The following NDST4 variants were observed in gnomAD, a reference collection of about 807,000 sequenced individuals.
NDST4 encodes N-deacetylase and N-sulfotransferase 4.
Under a neutral mutation model 100.8 loss-of-function variants are expected in NDST4, and 63 were observed. The observed-to-expected ratio is 0.62, with a 90% CI of 0.51 to 0.77. The LOEUF (loss-of-function observed/expected upper bound fraction) is 0.77, where lower values mean the gene tolerates loss of function less well. NDST4 is among the 30% of genes least tolerant of loss of function. The pLI, the probability that NDST4 is intolerant of heterozygous loss-of-function variation, is 0.00. For synonymous variants in NDST4, 377 were observed against 361.8 expected, an observed-to-expected ratio of 1.04 and a Z score of -0.48; for missense variants, 943 against 1,018.4, an observed-to-expected ratio of 0.93 and a Z score of 1.01.
intron 4 of NDST4, among the ~76,000 whole-genome samples, chr4:114,949,708 T>C (rs995499671): frequency 1.3e-5 from 2 of 152,074 alleles, no homozygotes; most frequent in Non-Finnish European, 2.9e-5. Flanking sequence ...ATACTATAAG[T>C]TGTGCTTTCA....
chr4:114,845,712 A>G lies in NDST4; in HGVS notation c.2115+111T>C, dbSNP rs770364005. The G allele has an allele frequency of 2.1e-4, 197 of 959,370 alleles. 1 individual carries two copies. The highest frequency in any genetic ancestry group is 2.8e-4 in the Non-Finnish European group (187 of 667,486). 59.4% of individuals were successfully genotyped at this position (959,370 alleles called of 1,614,324 possible). A position where few individuals can be genotyped will look rare whatever the true frequency, so the allele number is the denominator to read the frequency against. On this transcript the variant is annotated intron_variant, in intron 10 of 13. Transcript: ENST00000264363. ...TTTTTGGTGGGGGTTGTGGGTTTAGATATTCTTACATTTGACTTTTCATAT... is the reference window on the plus strand; with the variant it reads ...TTTTTGGTGGGGGTTGTGGGTTTAGGTATTCTTACATTTGACTTTTCATAT...
chr4:114,910,947 C>T (rs1213743243), intron 6 of NDST4, among the ~76,000 whole-genome samples: 1 of 152,184 alleles, frequency 6.6e-6, no homozygotes, highest in East Asian at 1.9e-4. Flanking sequence ...TACTGCCTAG[C>T]TGAAGCATTA....
In NDST4 at chr4:115,076,833, A is replaced by C. The variant is rs752976119; in HGVS notation, c.204T>G (p.Val68=). The C allele has an allele frequency of 6.2e-7, 1 of 1,613,890 alleles. No homozygotes were observed. Among genetic ancestry groups the C allele is most frequent in the South Asian group, 1.1e-5 (1 of 91,082 alleles). Residue 68 remains valine (V), a synonymous_variant, in exon 2 of 14, where the codon GTT becomes GTG. Coordinates refer to ENST00000264363, the MANE Select transcript of NDST4 (RefSeq NM_022569.3). The part of the protein sequence containing the change: ...LPYRSMELKT[V]KPIDTSKTDP... ...CCGTTTTGGATGTGTCAATAGGTTT[A>C]ACTGTTTTCAGCTCCATTGACCTAT...
chr4:115,074,164 C>T (rs2620401), intron 2 of NDST4, among the ~76,000 whole-genome samples: 24,635 of 151,698 alleles, frequency 0.16, 2,420 homozygotes, highest in East Asian at 0.46. Flanking sequence ...ATTGCTCAAG[C>T]CTTTGTTAAA....
At chr4:114,874,037 A>G (rs985471503) in intron 6 of NDST4, among the ~76,000 whole-genome samples, 2 of 152,138 alleles carry the variant, frequency 1.3e-5, no homozygotes, top group African/African-American at 4.8e-5. Flanking sequence ...ATCACTATTC[A>G]TCTCCAGAAC....
At chr4:114,887,561 A>G (rs1201445233) in intron 6 of NDST4, among the ~76,000 whole-genome samples, 2 of 152,130 alleles carry the variant, frequency 1.3e-5, no homozygotes, top group Non-Finnish European at 2.9e-5. Context: ...AAAACTTATA[A>G]GCATTGATGT....
intron 6 of NDST4, among the ~76,000 whole-genome samples, chr4:114,899,899 G>T (rs1306881139): frequency 6.6e-6 from 1 of 152,152 alleles, no homozygotes; most frequent in Non-Finnish European, 1.5e-5. Flanking sequence ...AAAAGGGATT[G>T]TAGAGAATTG....
At chr4:114,995,805 T>A (rs1319791812) in intron 2 of NDST4, among the ~76,000 whole-genome samples, 1 of 152,076 alleles carries the variant, frequency 6.6e-6, no homozygotes, top group African/African-American at 2.4e-5. Context: ...GACAACTCAG[T>A]AAAGATTTAA....
At chr4:114,937,695 T>G (rs1411399502) in intron 4 of NDST4, among the ~76,000 whole-genome samples, 192 bp from the exon 5 acceptor site, 1 of 152,172 alleles carries the variant, frequency 6.6e-6, no homozygotes, top group Admixed American at 6.5e-5. Flanking sequence ...ACAGATATAG[T>G]CATTACTTTG....
rs140090585 is a variant in NDST4 at position 115,016,995 on chromosome 4, A to ATGTGTG, written c.979-39727_979-39722dup. 9.6e-5 allele frequency among the ~76,000 whole-genome samples: 14 copies of ATGTGTG among 146,326 alleles called. No homozygotes were observed. The East Asian group carries it at 1.4e-3, about 15-fold the overall frequency. The stretch of plus-strand genomic sequence containing the variant: ...TTTTGTTTTGAGTGTTCATGTGTGT[A>ATGTGTG]TGTGTGTGTGTGTGTGTGTGTGTGT... On this transcript the variant is annotated intron_variant, in intron 2 of 13. Coordinates refer to ENST00000264363, the MANE Select transcript of NDST4 (RefSeq NM_022569.3).
chr4:114,904,144 T>C (rs541859146), intron 6 of NDST4, among the ~76,000 whole-genome samples: 5 of 152,022 alleles, frequency 3.3e-5, no homozygotes, highest in Non-Finnish European at 7.4e-5. Flanking sequence ...ATTCATAAAG[T>C]GCTATCCTTT....
intron 2 of NDST4, among the ~76,000 whole-genome samples, chr4:115,044,145 A>C (rs1292822939): frequency 1.3e-5 from 2 of 152,140 alleles, no homozygotes; most frequent in Non-Finnish European, 2.9e-5. Context: ...TTGAAGCTTT[A>C]ATTTAAGAAT....
chr4:115,070,837 G>C (rs1338628011), intron 2 of NDST4, among the ~76,000 whole-genome samples: 2 of 152,114 alleles, frequency 1.3e-5, no homozygotes, highest in African/African-American at 4.8e-5. Context: ...GGGCACGGTG[G>C]CTCATGCCTG....
chr4:115,089,998 G>A (rs1485610284), intron 1 of NDST4, among the ~76,000 whole-genome samples: 1 of 151,618 alleles, frequency 6.6e-6, no homozygotes, highest in Admixed American at 6.6e-5. Context: ...CACAAAATTT[G>A]ATCTACCATC....
At chr4:114,979,716 T>C (rs1726722674) in intron 2 of NDST4, among the ~76,000 whole-genome samples, 2 of 152,032 alleles carry the variant, frequency 1.3e-5, no homozygotes, top group South Asian at 4.2e-4. Flanking sequence ...GGGGGGCTAG[T>C]TAGCTATGTG....
At chr4:115,078,758 T>C (rs1227780467) in intron 1 of NDST4, among the ~76,000 whole-genome samples, 1 of 151,980 alleles carries the variant, frequency 6.6e-6, no homozygotes, top group South Asian at 2.1e-4. Context: ...GAGAATTGCT[T>C]GAACCCGGGA....
intron 1 of NDST4, among the ~76,000 whole-genome samples, chr4:115,110,761 A>T (rs1179830613): frequency 1.3e-5 from 2 of 152,014 alleles, no homozygotes; most frequent in African/African-American, 4.8e-5. Flanking sequence ...AATAAAGAAG[A>T]AACCTTTGTT....
chr4:114,946,663 A>T (rs1306407360), intron 4 of NDST4, among the ~76,000 whole-genome samples: 1 of 152,172 alleles, frequency 6.6e-6, no homozygotes, highest in African/African-American at 2.4e-5. Flanking sequence ...GATTAGCAAG[A>T]GATGATGTCA....
chr4:114,863,163 T>C (rs929113724), intron 7 of NDST4, among the ~76,000 whole-genome samples: 1 of 152,220 alleles, frequency 6.6e-6, no homozygotes, highest in African/African-American at 2.4e-5. Flanking sequence ...GCAAACATAA[T>C]GTCTAACTTT....
Sources: gnomAD v4.1 joint callset for allele counts (sites outside exome capture counted in the v4.1 genomes callset) on GRCh38, gnomAD v4.1.1 for gene constraint, MANE v1.5 for transcripts, NCBI Gene and HGNC (gene_info 2026-07-23, HGNC 2026-07-21) for gene names.